NOX4: variants seen among roughly 807,000 people sequenced by gnomAD.
NOX4 encodes NADPH oxidase 4.
A neutral mutation model predicts 87.6 loss-of-function variants in NOX4; 69 were observed. The ratio of observed to expected loss-of-function variants is 0.79; its 90% confidence interval spans 0.65 to 0.96. The LOEUF (loss-of-function observed/expected upper bound fraction) is 0.96. Ranked by LOEUF, NOX4 falls within the 40% of genes least tolerant of loss-of-function variation. NOX4 has a pLI of 0.00. For missense variants in NOX4, 680 were observed against 681.5 expected (o/e 1.00, Z 0.02); for synonymous variants, 275 against 238.2 (o/e 1.15, Z -1.42).
At chr11:89,481,598 G>T (rs1028368133) in intron 2 of NOX4, among the ~76,000 whole-genome samples, 1 of 152,026 alleles carries the variant, frequency 6.6e-6, no homozygotes, top group Non-Finnish European at 1.5e-5. Flanking sequence ...TTTTCAGTAA[G>T]AAATTATAAT....
At chr11:89,485,781 G>T (rs1381115865) in intron 2 of NOX4, among the ~76,000 whole-genome samples, 1 of 152,010 alleles carries the variant, frequency 6.6e-6, no homozygotes, top group Non-Finnish European at 1.5e-5. Context: ...GCTATTGTTT[G>T]GTTTGTTGGT....
At chr11:89,528,610 C>T in the NOX4 span, among the ~76,000 whole-genome samples, 3 of 152,136 alleles carry the variant, frequency 2.0e-5, no homozygotes, top group African/African-American at 7.2e-5. Flanking sequence ...GGGACACTTC[C>T]CCTCTTTACT....
intron 11 of NOX4, among the ~76,000 whole-genome samples, chr11:89,396,347 T>A (rs960197070): frequency 6.6e-6 from 1 of 152,184 alleles, no homozygotes; most frequent in Non-Finnish European, 1.5e-5. Context: ...TTTTTGCACA[T>A]TGATTTTGTA....
the NOX4 span, among the ~76,000 whole-genome samples, chr11:89,585,115 G>A: frequency 2.6e-5 from 4 of 152,058 alleles, no homozygotes; most frequent in African/African-American, 7.2e-5. Flanking sequence ...TTACACCGGC[G>A]CTTATAGAAC....
At chr11:89,581,274 A>C in the NOX4 span, among the ~76,000 whole-genome samples, 4 of 151,926 alleles carry the variant, frequency 2.6e-5, no homozygotes, top group South Asian at 6.2e-4. Flanking sequence ...CCCTTAAAAA[A>C]CTCAAGGTTA....
intron 2 of NOX4, among the ~76,000 whole-genome samples, chr11:89,483,380 T>A (rs550980739): frequency 4.6e-5 from 7 of 151,976 alleles, no homozygotes; most frequent in African/African-American, 7.2e-5. Context: ...AAAGAAAACA[T>A]GGTATGTATA....
In NOX4 at chr11:89,383,473, G is replaced by A. The variant is rs112159770; in HGVS notation, c.1075-9981C>T. On this transcript the variant is annotated intron_variant, in intron 11 of 17. Transcript: ENST00000263317. The stretch of plus-strand genomic sequence containing the variant: ...GACTGAAGACTAATGCTGCCCGATC[G>A]CCTCTGAAGCCTCCTGGACCATCAC... Among the ~76,000 whole-genome samples the A allele has an allele frequency of 4.5e-3, 682 of 152,212 alleles. 7 individuals carry two copies. The highest frequency in any genetic ancestry group is 0.015 in the African/African-American group (630 of 41,530).
At chr11:89,378,147 A>G (rs1279639088) in intron 11 of NOX4, among the ~76,000 whole-genome samples, 1 of 152,140 alleles carries the variant, frequency 6.6e-6, no homozygotes, top group African/African-American at 2.4e-5. Flanking sequence ...AACCACCCAT[A>G]TTCTTTCTGT....
the NOX4 span, among the ~76,000 whole-genome samples, chr11:89,521,582 A>G: frequency 6.6e-6 from 1 of 152,184 alleles, no homozygotes. Context: ...GAATCCTAGA[A>G]GAAAACCTAG....
At chr11:89,455,660 A>G (rs888917715) in intron 2 of NOX4, among the ~76,000 whole-genome samples, 3 of 151,532 alleles carry the variant, frequency 2.0e-5, no homozygotes, top group African/African-American at 7.3e-5. Context: ...TTGCAGTATC[A>G]TGGAAAATAT....
chr11:89,483,123 T>C (rs1255040722), intron 2 of NOX4, among the ~76,000 whole-genome samples: 8 of 152,132 alleles, frequency 5.3e-5, no homozygotes, highest in Non-Finnish European at 1.0e-4. Flanking sequence ...TATTCTACTG[T>C]TGTTACAAGG....
chr11:89,424,974 A>G (rs1205225617), intron 7 of NOX4, among the ~76,000 whole-genome samples: 1 of 152,160 alleles, frequency 6.6e-6, no homozygotes, highest in Non-Finnish European at 1.5e-5. Context: ...TTGTTTAAAC[A>G]AATTTTAAAC....
chr11:89,392,064 T>G (rs868851416), intron 11 of NOX4, among the ~76,000 whole-genome samples: 1 of 151,950 alleles, frequency 6.6e-6, no homozygotes, highest in African/African-American at 2.4e-5. Flanking sequence ...ATGGAAGAAG[T>G]GGTCTCCAAT....
the NOX4 span, among the ~76,000 whole-genome samples, chr11:89,511,723 T>A: frequency 6.6e-6 from 1 of 152,072 alleles, no homozygotes; most frequent in Non-Finnish European, 1.5e-5. Flanking sequence ...TTTAAGGGTT[T>A]AGAATCACTT....
chr11:89,523,667 C>T, the NOX4 span, among the ~76,000 whole-genome samples: 15 of 152,288 alleles, frequency 9.8e-5, no homozygotes, highest in South Asian at 3.1e-3. Context: ...TAAAAAATTA[C>T]ACATGACTGT....
At chr11:89,482,913 C>G (rs189738774) in intron 2 of NOX4, among the ~76,000 whole-genome samples, 146 of 152,110 alleles carry the variant, frequency 9.6e-4, no homozygotes, top group Admixed American at 1.6e-3. Flanking sequence ...AGAACCTCAC[C>G]TGGAAAGCAG....
chr11:89,578,332 T>C, the NOX4 span, among the ~76,000 whole-genome samples: 1 of 152,066 alleles, frequency 6.6e-6, no homozygotes, highest in Non-Finnish European at 1.5e-5. Context: ...CAGCTAATTT[T>C]TGTAGTTTTA....
the NOX4 span, among the ~76,000 whole-genome samples, chr11:89,517,273 T>C: frequency 6.6e-6 from 1 of 152,082 alleles, no homozygotes; most frequent in Non-Finnish European, 1.5e-5. Context: ...ATGTAAAATG[T>C]CCTGCTATAT....
chr11:89,393,110 T>C (rs1941237578), intron 11 of NOX4, among the ~76,000 whole-genome samples: 1 of 152,172 alleles, frequency 6.6e-6, no homozygotes, highest in Admixed American at 6.6e-5. Context: ...GTAGGTGATT[T>C]TGCCCCTCAA....
Sources: allele counts gnomAD v4.1 joint callset (sites outside exome capture counted in the v4.1 genomes callset), GRCh38; gene constraint gnomAD v4.1.1; transcripts MANE v1.5; gene names NCBI Gene and HGNC (gene_info 2026-07-23, HGNC 2026-07-21).